PCLO: variants seen among roughly 807,000 people sequenced by gnomAD.
PCLO encodes piccolo presynaptic cytomatrix protein, also known as protein piccolo.
PCLO carries 82 observed loss-of-function variants against 427.5 expected under a neutral mutation model. The observed-to-expected ratio is 0.19, with a 90% CI of 0.16 to 0.23. The LOEUF (loss-of-function observed/expected upper bound fraction) is 0.23, where lower values mean the gene tolerates loss of function less well. PCLO is among the 10% of genes least tolerant of loss of function. PCLO has a pLI of 1.00. For missense variants in PCLO, 6,239 were observed against 6,115.9 expected (o/e 1.02, Z -0.67); for synonymous variants, 2,357 against 2,155.4 (o/e 1.09, Z -2.59).
intron 3 of PCLO, among the ~76,000 whole-genome samples, chr7:82,982,263 G>T (rs192277699): frequency 1.4e-3 from 219 of 152,196 alleles, no homozygotes; most frequent in African/African-American, 5.1e-3. Context: ...TATAATAAAA[G>T]TTAGCAGAAA....
Position 82,758,370 on chromosome 7 carries a change from T to C in PCLO, c.*205A>G. 2.3e-6 allele frequency: 1 copy of C among 434,834 alleles called. No homozygotes were observed. Among genetic ancestry groups the C allele is most frequent in the Non-Finnish European group, 4.1e-6 (1 of 245,410 alleles). The allele number at this position is 434,834 out of a possible 1,614,324, so 26.9% of individuals were successfully genotyped here. On this transcript the variant is annotated 3_prime_UTR_variant, in exon 25 of 25. Coordinates refer to ENST00000333891, the MANE Select transcript of PCLO (RefSeq NM_033026.6). ...TCAAGGTCTCAGAACTCCATTCTTCTTGTTTTCAGTATGTGAACTTTTTCA... is the reference window on the plus strand; with the variant it reads ...TCAAGGTCTCAGAACTCCATTCTTCCTGTTTTCAGTATGTGAACTTTTTCA...
At chr7:82,801,420 T>G (rs781293227) in intron 22 of PCLO, 98 bp downstream of exon 22, 45 of 673,620 alleles carry the variant, frequency 6.7e-5, no homozygotes, top group Non-Finnish European at 1.2e-4. Flanking sequence ...GCCATTAGTT[T>G]GTAACATTTA....
At chr7:83,093,653 C>T (rs1433673983) in intron 3 of PCLO, among the ~76,000 whole-genome samples, 1 of 149,434 alleles carries the variant, frequency 6.7e-6, no homozygotes, top group Non-Finnish European at 1.5e-5. Context: ...CTACCACACC[C>T]GGCTAATTTT....
chr7:83,050,271 T>TAAAAAAAA (rs60841081), intron 3 of PCLO, among the ~76,000 whole-genome samples: 1 of 94,634 alleles, frequency 1.1e-5, no homozygotes, highest in Non-Finnish European at 2.0e-5. Context: ...AAGTGCTTTT[T>TAAAAAAAA]AAAAAAAAAA....
intron 10 of PCLO, among the ~76,000 whole-genome samples, chr7:82,860,260 C>G (rs1792918794): frequency 6.6e-6 from 1 of 151,786 alleles, no homozygotes; most frequent in African/African-American, 2.4e-5. Flanking sequence ...CCAAAGACAA[C>G]TACCTAAAGG....
In PCLO at chr7:83,077,596, A is replaced by C. The variant is rs17239897; in HGVS notation, c.3300+56654T>G. 8.2e-3 allele frequency among the ~76,000 whole-genome samples: 1,253 copies of C among 152,258 alleles called. 10 individuals are homozygous for C. Among genetic ancestry groups the C allele is most frequent in the Non-Finnish European group, 0.012 (796 of 68,016 alleles). ...AACCACAAATAAAAATGCTTAAGGAATACATGCATTATTTTAGTAATAAAG... is the reference window on the plus strand; with the variant it reads ...AACCACAAATAAAAATGCTTAAGGACTACATGCATTATTTTAGTAATAAAG... On this transcript the variant is annotated intron_variant, in intron 3 of 24. Coordinates refer to ENST00000333891, the MANE Select transcript of PCLO (RefSeq NM_033026.6).
intron 3 of PCLO, among the ~76,000 whole-genome samples, chr7:83,089,414 T>C (rs1021923568): frequency 6.6e-6 from 1 of 152,090 alleles, no homozygotes; most frequent in Admixed American, 6.5e-5. Flanking sequence ...TAGAACTCTG[T>C]CCTTTCTCCC....
At chr7:82,883,662 G>A (rs1793562752) in intron 9 of PCLO, among the ~76,000 whole-genome samples, 1 of 152,108 alleles carries the variant, frequency 6.6e-6, no homozygotes, top group South Asian at 2.1e-4. Context: ...CTAATCCTGA[G>A]TATTCCAATA....
intron 10 of PCLO, among the ~76,000 whole-genome samples, chr7:82,868,576 CAG>C (rs1490983736): frequency 6.6e-6 from 1 of 152,198 alleles, no homozygotes; most frequent in Non-Finnish European, 1.5e-5. Context: ...ATTCATGTCA[CAG>C]AGGCATTTCC....
At chr7:83,092,545 T>G (rs540723037) in intron 3 of PCLO, among the ~76,000 whole-genome samples, 15 of 152,196 alleles carry the variant, frequency 9.9e-5, no homozygotes, top group African/African-American at 3.6e-4. Flanking sequence ...CTAGGTCACC[T>G]CTCAGATCTT....
At chr7:83,067,389 T>A (rs1001882919) in intron 3 of PCLO, among the ~76,000 whole-genome samples, 1 of 152,224 alleles carries the variant, frequency 6.6e-6, no homozygotes, top group African/African-American at 2.4e-5. Flanking sequence ...TATTTATTCA[T>A]CCATATTAAT....
intron 3 of PCLO, among the ~76,000 whole-genome samples, chr7:83,083,065 A>T (rs996807801): frequency 7.1e-4 from 100 of 141,524 alleles, no homozygotes; most frequent in South Asian, 2.9e-3. Flanking sequence ...CTATTTTTTT[A>T]AAAAATTACT....
At chr7:83,096,470 AC>A (rs1278420292) in intron 3 of PCLO, among the ~76,000 whole-genome samples, 4 of 151,960 alleles carry the variant, frequency 2.6e-5, no homozygotes, top group Non-Finnish European at 5.9e-5. Flanking sequence ...GAATAATGAT[AC>A]TAAATACCTC....
intron 18 of PCLO, among the ~76,000 whole-genome samples, chr7:82,824,883 A>C (rs892637845): frequency 3.9e-5 from 6 of 152,042 alleles, no homozygotes; most frequent in Non-Finnish European, 7.4e-5. Flanking sequence ...CAGGAGGCAG[A>C]GCTTGCAGTG....
At chr7:83,080,293 C>T (rs971579218) in intron 3 of PCLO, among the ~76,000 whole-genome samples, 2 of 152,122 alleles carry the variant, frequency 1.3e-5, no homozygotes, top group African/African-American at 4.8e-5. Context: ...TGAGGAATCA[C>T]CACACTGTCT....
chr7:82,916,152 G>A lies in PCLO; in HGVS notation c.11834C>T (p.Thr3945Ile). ...AGGTAACTGATAAGAAGGCTGTGGG[G>A]TTGGTGTAGGTTGAACTTGAGGTGT... The part of the protein sequence containing the change: ...SFTPQVQPTP[T>I]PQPSYQLPSQ... Residue 3945 changes from threonine to isoleucine, a missense_variant, in exon 7 of 25, where the codon ACC (threonine) becomes ATC (isoleucine). By Grantham distance (89) the Thr-to-Ile change is moderately conservative (BLOSUM62 -1). Around this residue, in one of 5 missense-constraint regions of PCLO, gnomAD observed 680 missense variants for 677.3 expected, o/e 1.00. Transcript: ENST00000333891. 6.2e-7 allele frequency: 1 copy of A among 1,613,572 alleles called. No homozygotes were observed. The highest frequency in any genetic ancestry group is 2.2e-5 in the East Asian group (1 of 44,852).
intron 3 of PCLO, among the ~76,000 whole-genome samples, chr7:83,087,635 CTTTAT>C (rs904110628): frequency 2.0e-5 from 3 of 151,788 alleles, no homozygotes; most frequent in Non-Finnish European, 2.9e-5. Flanking sequence ...TATCATTTTT[CTTTAT>C]ATCTTTTGTA....
intron 22 of PCLO, among the ~76,000 whole-genome samples, chr7:82,789,197 T>C (rs1562786886): frequency 6.6e-6 from 1 of 152,114 alleles, no homozygotes; most frequent in South Asian, 2.1e-4. Context: ...ATACATAATA[T>C]TCAGAGCTCT....
At chr7:82,893,198 A>T (rs1049458679) in intron 9 of PCLO, among the ~76,000 whole-genome samples, 1 of 152,150 alleles carries the variant, frequency 6.6e-6, no homozygotes, top group African/African-American at 2.4e-5. Context: ...GATAGACTGG[A>T]TTAAGAAAAT....
Sources: allele counts gnomAD v4.1 joint callset (sites outside exome capture counted in the v4.1 genomes callset), GRCh38; gene constraint gnomAD v4.1.1; regional missense constraint gnomAD v4.1.1; transcripts MANE v1.5; gene names NCBI Gene and HGNC (gene_info 2026-07-23, HGNC 2026-07-21).